The following FSTL5 variants were observed in gnomAD, a reference collection of about 807,000 sequenced individuals.
FSTL5 encodes the protein follistatin-related protein 5.
Under a neutral mutation model 89.1 loss-of-function variants are expected in FSTL5, and 62 were observed. The observed-to-expected ratio is 0.70, with a 90% CI of 0.57 to 0.86. The LOEUF (loss-of-function observed/expected upper bound fraction) is 0.86. FSTL5 is among the 40% of genes least tolerant of loss of function. The pLI, the probability that FSTL5 is intolerant of heterozygous loss-of-function variation, is 0.00. For missense variants in FSTL5, 1,057 were observed against 1,001.6 expected (o/e 1.06, Z -0.75); for synonymous variants, 383 against 346.2 (o/e 1.11, Z -1.18).
chr4:161,609,430 A>G (rs1431496812), intron 7 of FSTL5, among the ~76,000 whole-genome samples: 1 of 151,998 alleles, frequency 6.6e-6, no homozygotes, highest in African/African-American at 2.4e-5. Flanking sequence ...ATTATGTAAT[A>G]TCATGCTGTA....
At chr4:161,660,913 T>C (rs1343753684) in intron 6 of FSTL5, among the ~76,000 whole-genome samples, 1 of 152,188 alleles carries the variant, frequency 6.6e-6, no homozygotes, top group Non-Finnish European at 1.5e-5. Flanking sequence ...TTTGCTATTA[T>C]GAATAGTGCT....
intron 12 of FSTL5, among the ~76,000 whole-genome samples, chr4:161,494,239 GAC>G (rs1729987894): frequency 6.6e-6 from 1 of 151,882 alleles, no homozygotes. Context: ...TTTGAAAAGA[GAC>G]ACCCTGAGAA....
At chr4:161,567,800 A>T (rs1732868966) in intron 8 of FSTL5, among the ~76,000 whole-genome samples, 1 of 35,750 alleles carries the variant, frequency 2.8e-5, no homozygotes, top group South Asian at 4.5e-4. Context: ...AAACAAGAGA[A>T]TCTACACGTC....
intron 3 of FSTL5, among the ~76,000 whole-genome samples, chr4:161,994,619 C>A (rs530399449): frequency 1.3e-5 from 2 of 152,290 alleles, no homozygotes; most frequent in African/African-American, 4.8e-5. Flanking sequence ...GTTTGCATTT[C>A]TCTAATAATC....
At chr4:161,863,399 T>C (rs1211460382) in intron 4 of FSTL5, among the ~76,000 whole-genome samples, 1 of 152,292 alleles carries the variant, frequency 6.6e-6, no homozygotes, top group East Asian at 1.9e-4. Flanking sequence ...TGAATGCTTT[T>C]ATTCGGGTCA....
intron 2 of FSTL5, among the ~76,000 whole-genome samples, chr4:162,089,057 T>C (rs1158019336): frequency 6.6e-6 from 1 of 152,112 alleles, no homozygotes. Flanking sequence ...TTCATTATTA[T>C]GAGACTGGGT....
intron 4 of FSTL5, among the ~76,000 whole-genome samples, chr4:161,904,186 GA>G (rs1247977339): frequency 1.3e-5 from 2 of 151,880 alleles, no homozygotes; most frequent in East Asian, 1.9e-4. Context: ...AAAAAAAAGA[GA>G]AAAAAATCAC....
chr4:161,510,293 G>A, intron 11 of FSTL5, 105 bp downstream of exon 11: 1 of 727,290 alleles, frequency 1.4e-6, no homozygotes, highest in South Asian at 1.8e-5. Flanking sequence ...TTAAAATATT[G>A]AATCAAAATG....
chr4:161,713,507 T>C (rs1738869179), intron 6 of FSTL5, among the ~76,000 whole-genome samples: 1 of 152,168 alleles, frequency 6.6e-6, no homozygotes, highest in Non-Finnish European at 1.5e-5. Context: ...TTGTACAACA[T>C]ATAATCAAAA....
chr4:161,491,288 T>C (rs535202117), intron 12 of FSTL5, among the ~76,000 whole-genome samples: 3 of 152,174 alleles, frequency 2.0e-5, no homozygotes, highest in Admixed American at 2.0e-4. Context: ...TAATTCTATC[T>C]TTTAATTTTT....
intron 15 of FSTL5, among the ~76,000 whole-genome samples, chr4:161,448,091 T>C (rs932105265): frequency 6.6e-6 from 1 of 152,064 alleles, no homozygotes; most frequent in Non-Finnish European, 1.5e-5. Context: ...TATTCACTTT[T>C]TGAGAGAGTG....
intron 2 of FSTL5, among the ~76,000 whole-genome samples, chr4:162,053,894 C>A (rs1451223698): frequency 6.6e-6 from 1 of 151,476 alleles, no homozygotes; most frequent in South Asian, 2.1e-4. Context: ...AAAAATAGTT[C>A]CTGTTCTATG....
At chr4:161,473,781 C>T (rs558873592) in intron 13 of FSTL5, among the ~76,000 whole-genome samples, 5 of 152,212 alleles carry the variant, frequency 3.3e-5, no homozygotes, top group Non-Finnish European at 5.9e-5. Flanking sequence ...AGTTACCTCT[C>T]CGTTTTGGTT....
intron 8 of FSTL5, among the ~76,000 whole-genome samples, chr4:161,581,511 C>T (rs558901739): frequency 6.6e-6 from 1 of 152,296 alleles, no homozygotes; most frequent in South Asian, 2.1e-4. Flanking sequence ...TTCCCTATGA[C>T]CAAATGAGGA....
intron 4 of FSTL5, among the ~76,000 whole-genome samples, chr4:161,824,722 G>A (rs1034846568): frequency 2.0e-5 from 3 of 152,102 alleles, no homozygotes; most frequent in African/African-American, 7.2e-5. Context: ...TTGAGTTCTT[G>A]ATTTGATTCT....
intron 3 of FSTL5, among the ~76,000 whole-genome samples, chr4:162,013,054 T>C (rs563780352): frequency 9.5e-4 from 145 of 152,050 alleles, no homozygotes; most frequent in Non-Finnish European, 1.6e-3. Flanking sequence ...CATGGTGGCA[T>C]GCACCTGTAA....
intron 8 of FSTL5, among the ~76,000 whole-genome samples, chr4:161,571,084 G>T (rs934945638): frequency 6.6e-6 from 1 of 151,934 alleles, no homozygotes; most frequent in African/African-American, 2.4e-5. Context: ...ATTCTAGCCT[G>T]GGTGACAGAG....
chr4:161,578,410 A>C (rs974790188), intron 8 of FSTL5, among the ~76,000 whole-genome samples: 4 of 152,116 alleles, frequency 2.6e-5, no homozygotes, highest in African/African-American at 9.7e-5. Flanking sequence ...AAACTATTGA[A>C]AGTGAAGTAC....
chr4:161,864,222 T>C (rs1456038102), intron 4 of FSTL5, among the ~76,000 whole-genome samples: 1 of 152,184 alleles, frequency 6.6e-6, no homozygotes, highest in Non-Finnish European at 1.5e-5. Context: ...ACGTAACACA[T>C]TTCAGGTTCA....
Sources: gnomAD v4.1 joint callset for allele counts (sites outside exome capture counted in the v4.1 genomes callset) on GRCh38, gnomAD v4.1.1 for gene constraint, MANE v1.5 for transcripts, NCBI Gene and HGNC (gene_info 2026-07-23, HGNC 2026-07-21) for gene names.